The following TRIM24 variants were observed in gnomAD, a reference collection of about 807,000 sequenced individuals.
TRIM24 encodes the protein tripartite motif containing 24, also known as transcription intermediary factor 1-alpha.
TRIM24 carries 29 observed loss-of-function variants against 123.9 expected under a neutral mutation model. That is an observed-to-expected ratio of 0.23 (90% CI 0.17 to 0.32). TRIM24 has a LOEUF of 0.32. Among genes scored for constraint, TRIM24 ranks in the 10% least tolerant of loss-of-function variants. The pLI, the probability that TRIM24 is intolerant of heterozygous loss-of-function variation, is 1.00. For missense variants in TRIM24, 932 were observed against 1,295.3 expected (o/e 0.72, Z 4.31); for synonymous variants, 456 against 461.1 (o/e 0.99, Z 0.14).
intron 10 of TRIM24, among the ~76,000 whole-genome samples, chr7:138,568,012 G>A (rs936339999): frequency 3.3e-5 from 5 of 152,112 alleles, no homozygotes; most frequent in Non-Finnish European, 1.5e-5. Context: ...GTCTCAAGAA[G>A]ATTTCTTGGA....
In TRIM24 at chr7:138,504,358, G is replaced by T; in HGVS notation, c.433G>T (p.Val145Leu). Residue 145 changes from valine (V) to leucine (L), a missense_variant, in exon 2 of 19, where the codon GTG becomes TTG. Val to Leu is a conservative substitution (Grantham distance 32, BLOSUM62 1). Coordinates refer to ENST00000343526, the MANE Select transcript of TRIM24 (RefSeq NM_015905.3). ...GAGACACATCATAGATAACTTTTTT[G>T]TGAAGGACACTACTGAGGTTCCCAG... Reference protein sequence around the residue: ...AERHIIDNFFVKDTTEVPSST... With the variant: ...AERHIIDNFFLKDTTEVPSST... 2 of 1,599,932 alleles carry T rather than the reference G, an allele frequency of 1.3e-6. No homozygotes were observed. Among genetic ancestry groups the T allele is most frequent in the Non-Finnish European group, 1.7e-6 (2 of 1,173,490 alleles).
At chr7:138,466,653 G>A (rs1011901794) in intron 1 of TRIM24, among the ~76,000 whole-genome samples, 6 of 151,864 alleles carry the variant, frequency 4.0e-5, no homozygotes, top group African/African-American at 1.2e-4. Flanking sequence ...ACGCCTGGCT[G>A]GGAGTTTGCC....
At chr7:138,572,517 G>C (rs1480421472) in intron 11 of TRIM24, among the ~76,000 whole-genome samples, 1 of 152,118 alleles carries the variant, frequency 6.6e-6, no homozygotes, top group Admixed American at 6.5e-5. Context: ...TTTTCCACCA[G>C]GCTTTCTTAC....
chr7:138,500,563 CAAAAAAAA>C lies in TRIM24; in HGVS notation c.365-3713_365-3706del, dbSNP rs773042715. ...GGGCAACCAGAGTGAGACCTTGTTT[CAAAAAAAA>C]AAAAAAAAAAAAAGGAATAAGGCCA... On this transcript the variant is annotated intron_variant, in intron 1 of 18. Coordinates refer to ENST00000343526, the MANE Select transcript of TRIM24 (RefSeq NM_015905.3). 2.6e-3 allele frequency among the ~76,000 whole-genome samples: 161 copies of C among 61,414 alleles called. 4 individuals carry two copies. The South Asian group carries it at 0.075, about 28-fold the overall frequency. 40.3% of individuals were successfully genotyped at this position (61,414 alleles called of 152,430 possible). A position where few individuals can be genotyped will look rare whatever the true frequency, so the allele number is the denominator to read the frequency against.
At chr7:138,496,865 T>C (rs1009975995) in intron 1 of TRIM24, among the ~76,000 whole-genome samples, 4 of 152,160 alleles carry the variant, frequency 2.6e-5, no homozygotes, top group African/African-American at 9.7e-5. Context: ...TCTCCCTTAT[T>C]TTGTTAACAT....
intron 7 of TRIM24, among the ~76,000 whole-genome samples, chr7:138,550,101 G>C (rs1797179937): frequency 6.6e-6 from 1 of 152,166 alleles, no homozygotes; most frequent in Non-Finnish European, 1.5e-5. Flanking sequence ...GAATGGACTA[G>C]AGAAATGTCA....
intron 6 of TRIM24, among the ~76,000 whole-genome samples, chr7:138,536,454 G>C (rs969443026): frequency 6.6e-6 from 1 of 152,256 alleles, no homozygotes; most frequent in African/African-American, 2.4e-5. Context: ...CTCAGCTGCA[G>C]GTCTGTTGGA....
At chr7:138,475,907 G>A (rs1481858520) in intron 1 of TRIM24, among the ~76,000 whole-genome samples, 1 of 152,136 alleles carries the variant, frequency 6.6e-6, no homozygotes, top group African/African-American at 2.4e-5. Flanking sequence ...TAATAAAAAG[G>A]GGTTATTATA....
chr7:138,504,251 T>A lies in TRIM24; in HGVS notation c.365-39T>A. 2.9e-6 allele frequency: 4 copies of A among 1,400,758 alleles called. No homozygotes were observed. The South Asian group carries it at 4.0e-5, about 14-fold the overall frequency. The allele number at this position is 1,400,758 out of a possible 1,614,324, so 86.8% of individuals were successfully genotyped here. A position where few individuals can be genotyped will look rare whatever the true frequency, so the allele number is the denominator to read the frequency against. The stretch of plus-strand genomic sequence containing the variant: ...ATGTATTGGTTAAGTACTCAGTATA[T>A]TTGTATTAAAACTTAGAATATAATT... On this transcript the variant is annotated intron_variant, in intron 1 of 18. Coordinates refer to ENST00000343526, the MANE Select transcript of TRIM24 (RefSeq NM_015905.3).
At chr7:138,551,290 A>G in intron 8 of TRIM24, 110 bp downstream of exon 8, 1 of 932,812 alleles carries the variant, frequency 1.1e-6, no homozygotes, top group Non-Finnish European at 1.7e-6. Flanking sequence ...GGTGGCTCAC[A>G]TCTGTAATCC....
intron 2 of TRIM24, among the ~76,000 whole-genome samples, chr7:138,506,935 T>TA (rs1185943223): frequency 1.3e-5 from 2 of 152,086 alleles, no homozygotes; most frequent in Admixed American, 6.6e-5. Context: ...GAAAGGAAGT[T>TA]ACCACCCAGA....
At chr7:138,551,518 C>T (rs796159634) in intron 8 of TRIM24, among the ~76,000 whole-genome samples, 4 of 152,310 alleles carry the variant, frequency 2.6e-5, no homozygotes, top group African/African-American at 7.2e-5. Flanking sequence ...TTTAAAAAGA[C>T]ATGTTGTTTC....
chr7:138,547,155 T>C (rs144600661), intron 7 of TRIM24, among the ~76,000 whole-genome samples: 533 of 152,230 alleles, frequency 3.5e-3, no homozygotes, highest in African/African-American at 0.012. Flanking sequence ...CTGGAGGACA[T>C]TATATTTACT....
chr7:138,568,983 C>T (rs28435503), intron 10 of TRIM24, among the ~76,000 whole-genome samples: 1,977 of 152,210 alleles, frequency 0.013, 35 homozygotes, highest in African/African-American at 0.044. Flanking sequence ...ACCAAATTCT[C>T]TTAAACAATA....
intron 2 of TRIM24, 96 bp downstream of exon 2, chr7:138,504,504 G>T: frequency 1.3e-6 from 1 of 749,850 alleles, no homozygotes. Context: ...CTGTTGCCCA[G>T]GCAGGAGTTC....
At position 138,587,412 on chromosome 7, in the gene TRIM24, A is replaced by ATT. The variant is rs1188750485; in HGVS notation, c.*2462_*2463dup. The ATT allele has an allele frequency of 2.0e-5, 3 of 152,208 alleles. No individual in the cohort carries two copies. The highest frequency in any genetic ancestry group is 2.9e-5 in the Non-Finnish European group (2 of 68,042). The allele number at this position is 152,208 out of a possible 1,614,324, so 9.4% of individuals were successfully genotyped here. Reference sequence around the variant, plus strand: ...ATAGCCTTTGTGTAATGGTCTTTAGATTAATATCCTTTGACTTTATTAATA... The same window carrying ATT: ...ATAGCCTTTGTGTAATGGTCTTTAGATTTTAATATCCTTTGACTTTATTAATA... On this transcript the variant is annotated 3_prime_UTR_variant, in exon 19 of 19. Coordinates refer to ENST00000343526, the MANE Select transcript of TRIM24 (RefSeq NM_015905.3).
intron 9 of TRIM24, among the ~76,000 whole-genome samples, chr7:138,563,922 C>T (rs777775719): frequency 6.6e-6 from 1 of 152,124 alleles, no homozygotes; most frequent in African/African-American, 2.4e-5. Context: ...GGAAACTGGC[C>T]CTGAGTGTAT....
intron 6 of TRIM24, among the ~76,000 whole-genome samples, chr7:138,535,025 C>T (rs1372490837): frequency 6.6e-6 from 1 of 152,244 alleles, no homozygotes; most frequent in East Asian, 1.9e-4. Flanking sequence ...TTATCAGAGA[C>T]TAGGATTGCC....
intron 7 of TRIM24, among the ~76,000 whole-genome samples, chr7:138,544,557 G>C (rs10248604): frequency 0.018 from 2,771 of 152,256 alleles, 70 homozygotes; most frequent in African/African-American, 0.061. Context: ...ACCTACAGTA[G>C]TTCTGTTTTT....
Sources: allele counts gnomAD v4.1 joint callset (sites outside exome capture counted in the v4.1 genomes callset), GRCh38; gene constraint gnomAD v4.1.1; transcripts MANE v1.5; gene names NCBI Gene and HGNC (gene_info 2026-07-23, HGNC 2026-07-21).